ETV6: variants seen among roughly 807,000 people sequenced by gnomAD.
ETV6 encodes transcription factor ETV6.
A neutral mutation model predicts 51.1 loss-of-function variants in ETV6; 16 were observed. The observed-to-expected ratio is 0.31, with a 90% CI of 0.21 to 0.48. ETV6 has a LOEUF of 0.48. Among genes scored for constraint, ETV6 ranks in the 20% least tolerant of loss-of-function variants. The pLI is 0.99. For synonymous variants in ETV6, 240 were observed against 224.1 expected (o/e 1.07, Z -0.64); for missense variants, 458 against 594.8 (o/e 0.77, Z 2.39).
chr12:11,806,101 C>T (rs555675842), intron 2 of ETV6, among the ~76,000 whole-genome samples: 1 of 152,270 alleles, frequency 6.6e-6, no homozygotes, highest in African/African-American at 2.4e-5. Flanking sequence ...ATGAAATTCA[C>T]ATGAAGGCTG....
At chr12:11,864,754 A>T (rs1352854668) in intron 4 of ETV6, among the ~76,000 whole-genome samples, 2 of 95,682 alleles carry the variant, frequency 2.1e-5, no homozygotes, top group Non-Finnish European at 4.1e-5. Flanking sequence ...TAAGCACTTT[A>T]AAAAAAAAAA....
At chr12:11,770,014 A>G (rs772652261) in intron 2 of ETV6, among the ~76,000 whole-genome samples, 1 of 152,192 alleles carries the variant, frequency 6.6e-6, no homozygotes, top group Non-Finnish European at 1.5e-5. Context: ...CCGGGGCAAG[A>G]TGACTGACAG....
At chr12:11,722,166 T>G (rs1351072299) in intron 1 of ETV6, among the ~76,000 whole-genome samples, 1 of 152,202 alleles carries the variant, frequency 6.6e-6, no homozygotes, top group Non-Finnish European at 1.5e-5. Flanking sequence ...GTGTCTTGTT[T>G]TAGCCAATAA....
chr12:11,810,109 G>A (rs191870394), intron 2 of ETV6, among the ~76,000 whole-genome samples: 5 of 152,180 alleles, frequency 3.3e-5, no homozygotes, highest in South Asian at 2.1e-4. Context: ...GTGAGCCACC[G>A]CACCTGGCTG....
chr12:11,826,052 T>C (rs940326111), intron 2 of ETV6, among the ~76,000 whole-genome samples: 1 of 152,036 alleles, frequency 6.6e-6, no homozygotes, highest in Admixed American at 6.5e-5. Flanking sequence ...CCCAGGCTGG[T>C]CTCGAACTCC....
At chr12:11,677,078 T>C (rs1051564676) in intron 1 of ETV6, among the ~76,000 whole-genome samples, 5 of 152,362 alleles carry the variant, frequency 3.3e-5, no homozygotes, top group Middle Eastern at 3.4e-3. Context: ...GGTTTTTAAA[T>C]TGAGTTTCTG....
chr12:11,848,721 C>T (rs1946503457), intron 3 of ETV6, among the ~76,000 whole-genome samples: 1 of 152,200 alleles, frequency 6.6e-6, no homozygotes, highest in African/African-American at 2.4e-5. Flanking sequence ...TTCCCAGGGA[C>T]CTGCGCAAGT....
chr12:11,662,017 G>A (rs1337939431), intron 1 of ETV6, among the ~76,000 whole-genome samples: 2 of 152,168 alleles, frequency 1.3e-5, no homozygotes, highest in Non-Finnish European at 2.9e-5. Flanking sequence ...GCCGAGACAG[G>A]CAGGGCAATG....
At chr12:11,885,681 C>T (rs111338624) in intron 6 of ETV6, among the ~76,000 whole-genome samples, 30 of 152,180 alleles carry the variant, frequency 2.0e-4, no homozygotes, top group Non-Finnish European at 3.2e-4. Context: ...GCTAGGGCTC[C>T]AGGACTTCGG....
chr12:11,851,318 C>G (rs755401436), intron 3 of ETV6, among the ~76,000 whole-genome samples: 8 of 151,528 alleles, frequency 5.3e-5, no homozygotes, highest in Non-Finnish European at 1.2e-4. Context: ...CCAAAAAAAC[C>G]AGATAAAACC....
At chr12:11,851,140 C>T (rs965840109) in intron 3 of ETV6, among the ~76,000 whole-genome samples, 9 of 152,046 alleles carry the variant, frequency 5.9e-5, no homozygotes, top group African/African-American at 1.9e-4. Context: ...CACACCAGCC[C>T]GCCTGGTTAA....
chr12:11,854,836 A>G (rs1446136329), intron 4 of ETV6, among the ~76,000 whole-genome samples: 5 of 152,194 alleles, frequency 3.3e-5, no homozygotes, highest in Non-Finnish European at 7.4e-5. Context: ...GGCTTTCTGC[A>G]TAGGGCACCA....
intron 1 of ETV6, among the ~76,000 whole-genome samples, chr12:11,735,438 A>C (rs752691329): frequency 5.3e-5 from 8 of 152,178 alleles, no homozygotes; most frequent in Non-Finnish European, 1.0e-4. Flanking sequence ...ACATCCACGT[A>C]AGTGTTGTCT....
chr12:11,696,777 C>T (rs1864886338), intron 1 of ETV6, among the ~76,000 whole-genome samples: 1 of 152,142 alleles, frequency 6.6e-6, no homozygotes, highest in African/African-American at 2.4e-5. Flanking sequence ...GATCATGCCA[C>T]TGCACTTTAG....
chr12:11,696,398 C>A (rs1254149653), intron 1 of ETV6, among the ~76,000 whole-genome samples: 1 of 152,200 alleles, frequency 6.6e-6, no homozygotes. Context: ...CCATTCTGTA[C>A]TTCAGTTTTC....
chr12:11,837,792 A>G lies in ETV6; in HGVS notation c.164-1348A>G, dbSNP rs115755885. 6.1e-3 allele frequency among the ~76,000 whole-genome samples: 933 copies of G among 152,294 alleles called. 5 individuals are homozygous for G. The highest frequency in any genetic ancestry group is 0.021 in the African/African-American group (880 of 41,536). On this transcript the variant is annotated intron_variant, in intron 2 of 7. Transcript: ENST00000396373. ...ATGTGATTTTAGAGAATGAAGATCC[A>G]TTGAACATCCAGCTTCTTCTGACCC...
At chr12:11,730,383 A>G (rs769710886) in intron 1 of ETV6, among the ~76,000 whole-genome samples, 2 of 152,256 alleles carry the variant, frequency 1.3e-5, no homozygotes, top group Non-Finnish European at 2.9e-5. Context: ...CTGTACAAAC[A>G]GAAGTCCAAT....
intron 1 of ETV6, among the ~76,000 whole-genome samples, chr12:11,668,159 A>G (rs1300321533): frequency 6.9e-6 from 1 of 143,930 alleles, no homozygotes; most frequent in South Asian, 2.3e-4. Flanking sequence ...AACTACCACA[A>G]CTATAGGTCT....
At position 11,822,914 on chromosome 12, in the gene ETV6, C is replaced by G. The variant is rs192686614; in HGVS notation, c.164-16226C>G. On this transcript the variant is annotated intron_variant, in intron 2 of 7. Coordinates refer to ENST00000396373, the MANE Select transcript of ETV6 (RefSeq NM_001987.5). ...TCAGCTTGAGTATTTCAAATCAATA[C>G]ATTTCTTGCAAAGTTTCCAAGGGCT... Among the ~76,000 whole-genome samples, 329 of 152,280 alleles carry G rather than the reference C, an allele frequency of 2.2e-3. 6 individuals are homozygous for G. The highest frequency in any genetic ancestry group is 1.4e-3 in the East Asian group (7 of 5,184).
Sources: gnomAD v4.1 joint callset for allele counts (sites outside exome capture counted in the v4.1 genomes callset) on GRCh38, gnomAD v4.1.1 for gene constraint, MANE v1.5 for transcripts, NCBI Gene and HGNC (gene_info 2026-07-23, HGNC 2026-07-21) for gene names.